Variants in CIZ1 observed in about 807,000 individuals in gnomAD.
CIZ1 encodes the protein cip1-interacting zinc finger protein.
A neutral mutation model predicts 118.6 loss-of-function variants in CIZ1; 58 were observed. That is an observed-to-expected ratio of 0.49 (90% CI 0.40 to 0.61). The LOEUF is 0.61. CIZ1 is among the 20% of genes least tolerant of loss of function. CIZ1 has a pLI of 0.00. For synonymous variants in CIZ1, 448 were observed against 443.4 expected (o/e 1.01, Z -0.13); for missense variants, 921 against 1,115.9 (o/e 0.83, Z 2.49).
chr9:128,189,628 T>G (rs915508277), intron 3 of CIZ1, among the ~76,000 whole-genome samples: 10 of 151,928 alleles, frequency 6.6e-5, no homozygotes, highest in African/African-American at 2.4e-4. Flanking sequence ...AAGACCAGCC[T>G]GGCCAACATG....
chr9:128,171,232 G>C (rs1345460008), intron 11 of CIZ1, among the ~76,000 whole-genome samples: 2 of 151,616 alleles, frequency 1.3e-5, no homozygotes, highest in African/African-American at 4.9e-5. Flanking sequence ...AGAAGTCCAA[G>C]ACCAGCCTAG....
chr9:128,173,901 G>A (rs186895015), intron 11 of CIZ1, among the ~76,000 whole-genome samples: 8 of 152,266 alleles, frequency 5.3e-5, no homozygotes, highest in Admixed American at 2.6e-4. Flanking sequence ...AGCTACTCGG[G>A]AGGCGGAGGC....
chr9:128,179,124 C>T lies in CIZ1; in HGVS notation c.1083G>A (p.Val361=), dbSNP rs947752730. 4.3e-6 allele frequency: 7 copies of T among 1,613,976 alleles called. No individual in the cohort carries two copies. In the African/African-American group the frequency reaches 5.3e-5, roughly 12 times the overall value. ...CTGCCTCCTGCTGCAGCTGTGGCTG[C>T]ACCTGCTTCTGTTGCAGCACTAAGT... ...PEHLVLQQKQ[V]QPQLQQEAEP... Residue 361 remains valine (V), a synonymous_variant, in exon 8 of 17, where the codon GTG becomes GTA. Transcript: ENST00000372938.
At chr9:128,168,957 C>A in intron 14 of CIZ1, 95 bp downstream of exon 14, 1 of 1,567,784 alleles carries the variant, frequency 6.4e-7, no homozygotes, top group South Asian at 1.2e-5. Flanking sequence ...CCCACAGATG[C>A]CAGCCCAGTG....
chr9:128,187,549 T>C (rs887096452), intron 4 of CIZ1, among the ~76,000 whole-genome samples: 1 of 152,194 alleles, frequency 6.6e-6, no homozygotes, highest in Non-Finnish European at 1.5e-5. Context: ...CAATGAGATA[T>C]ACAAATGTGC....
At position 128,179,356 on chromosome 9, in the gene CIZ1, T is replaced by C. The variant is rs774853282; in HGVS notation, c.851A>G (p.Gln284Arg). 9.9e-6 allele frequency: 16 copies of C among 1,613,852 alleles called. No homozygotes were observed. In the South Asian group the frequency reaches 1.8e-4, roughly 18 times the overall value. Residue 284 changes from glutamine to arginine, a missense_variant, in exon 8 of 17, where the codon CAG (glutamine) becomes CGG (arginine). Gln to Arg is a conservative substitution (Grantham distance 43). Coordinates refer to ENST00000372938, the MANE Select transcript of CIZ1 (RefSeq NM_001131016.2). ...PGQLQVKAQP[Q>R]ARMTVPKQTQ... ...CTGTTTCGGTACTGTCATCCGGGCC[T>C]GCGGCTGGGCCTTCACCTGTAACTG...
At chr9:128,190,587 CAA>C in intron 2 of CIZ1, 99 bp downstream of exon 2, 5 of 1,453,976 alleles carry the variant, frequency 3.4e-6, no homozygotes, top group Non-Finnish European at 3.7e-6. Flanking sequence ...CTCCAGGACT[CAA>C]ACGGGGATGG....
chr9:128,204,000 C>T lies in CIZ1; in HGVS notation c.-6+186G>A, dbSNP rs1211790484. On this transcript the variant is annotated intron_variant, in intron 1 of 17. Coordinates refer to the CIZ1 transcript ENST00000372948. This position sits in a 1 kb window ranked among gnomAD's most constrained non-coding sequence, Gnocchi z 5.3. ...AGCGTCTCCGTTGGGCTCCGGGAGT[C>T]CCTTGGAGCGGGCAGCACCCGGGGG... The T allele has an allele frequency of 6.3e-6, 1 of 157,826 alleles. No individual in the cohort carries two copies. The highest frequency in any genetic ancestry group is 1.4e-5 in the Non-Finnish European group (1 of 72,076). 9.8% of individuals were successfully genotyped at this position (157,826 alleles called of 1,614,324 possible). A position where few individuals can be genotyped will look rare whatever the true frequency, so the allele number is the denominator to read the frequency against.
chr9:128,202,183 C>T (rs1362047026), intron 1 of CIZ1, among the ~76,000 whole-genome samples: 1 of 152,178 alleles, frequency 6.6e-6, no homozygotes, highest in Admixed American at 6.5e-5. Context: ...GAACAGTCTC[C>T]AATTCACAGA....
In CIZ1 at chr9:128,166,673, A is replaced by C. The variant is rs1393866068; in HGVS notation, c.2487+86T>G. 1 of 1,536,716 alleles carries C rather than the reference A, an allele frequency of 6.5e-7. No homozygotes were observed. Among genetic ancestry groups the C allele is most frequent in the Admixed American group, 1.7e-5 (1 of 59,568 alleles). ...CCTGGGGATTGAGGCCCTGCACAAG[A>C]GGGAGTGGCCACTAGCCACCCGAAT... is the stretch of plus-strand genomic sequence containing the variant. On this transcript the variant is annotated intron_variant, in intron 16 of 16. Coordinates refer to ENST00000372938, the MANE Select transcript of CIZ1 (RefSeq NM_001131016.2). This position sits in a 1 kb window ranked among gnomAD's most constrained non-coding sequence, Gnocchi z 4.4.
At position 128,185,611 on chromosome 9, in the gene CIZ1, T is replaced by C. The variant is rs1159928822; in HGVS notation, c.524A>G (p.Asn175Ser). 1.9e-6 allele frequency: 3 copies of C among 1,544,132 alleles called. No homozygotes were observed. Among genetic ancestry groups the C allele is most frequent in the East Asian group, 2.3e-5 (1 of 43,770 alleles). Residue 175 changes from asparagine to serine, a missense_variant, in exon 5 of 17, where the codon AAC (asparagine) becomes AGC (serine). Coordinates refer to ENST00000372938, the MANE Select transcript of CIZ1 (RefSeq NM_001131016.2). Reference protein sequence around the residue: ...VGVPMNPSQFNLSGRNPQKQA... With the variant: ...VGVPMNPSQFSLSGRNPQKQA... ...TTTCTGGGGGTTCCGTCCTGAAAGGTTGAACTGGGAAGGGTTCATGGGGAC... is the reference window on the plus strand; with the variant it reads ...TTTCTGGGGGTTCCGTCCTGAAAGGCTGAACTGGGAAGGGTTCATGGGGAC...
chr9:128,173,772 C>T (rs529551230), intron 11 of CIZ1, among the ~76,000 whole-genome samples: 6 of 152,002 alleles, frequency 3.9e-5, no homozygotes, highest in Admixed American at 2.0e-4. Flanking sequence ...TTTGGGAGGC[C>T]AAGGCGGGCA....
chr9:128,188,217 A>C (rs558134199), intron 3 of CIZ1, among the ~76,000 whole-genome samples: 107 of 152,040 alleles, frequency 7.0e-4, no homozygotes, highest in Non-Finnish European at 1.2e-3. Flanking sequence ...AAATAATCTT[A>C]ACACAGATGA....
At chr9:128,198,317 A>C (rs1351184084) in intron 1 of CIZ1, 2 of 152,054 alleles carry the variant, frequency 1.3e-5, no homozygotes, top group Admixed American at 6.6e-5. Context: ...TAACCTCTTC[A>C]TCCTCCTCTG....
At chr9:128,188,098 AGCAAAAGAAAG>A (rs1162347094) in intron 3 of CIZ1, among the ~76,000 whole-genome samples, 164 bp from the exon 4 acceptor site, 21 of 109,290 alleles carry the variant, frequency 1.9e-4, no homozygotes, top group Non-Finnish European at 3.6e-4. Flanking sequence ...AATTAAAAAA[AGCAAAAGAAAG>A]AAAAAAGCAA....
chr9:128,195,045 C>T (rs1464470596), upstream of CIZ1, among the ~76,000 whole-genome samples: 3 of 151,972 alleles, frequency 2.0e-5, no homozygotes, highest in Non-Finnish European at 4.4e-5. Flanking sequence ...TGGTCTTGAA[C>T]TCATAGGTTC....
At chr9:128,173,885 A>T (rs915014983) in intron 11 of CIZ1, among the ~76,000 whole-genome samples, 1 of 152,102 alleles carries the variant, frequency 6.6e-6, no homozygotes, top group Non-Finnish European at 1.5e-5. Context: ...AGGCGCCTGT[A>T]GTCCCAGCTA....
intron 1 of CIZ1, chr9:128,199,879 C>A (rs1390789085): frequency 6.7e-6 from 1 of 150,172 alleles, no homozygotes; most frequent in Admixed American, 6.7e-5. Flanking sequence ...ACCCCTGCCT[C>A]CCAGGTTCAA....
At chr9:128,169,262 A>AGCCC in intron 13 of CIZ1, 61 bp from the exon 14 acceptor site, 2 of 1,185,888 alleles carry the variant, frequency 1.7e-6, no homozygotes, top group African/African-American at 1.6e-5. Context: ...GCCATGCCCT[A>AGCCC]CCCACCCCAC....
Sources: gnomAD v4.1 joint callset for allele counts (sites outside exome capture counted in the v4.1 genomes callset) on GRCh38, gnomAD v4.1.1 for gene constraint, Gnocchi (gnomAD v3.1) non-coding constraint, MANE v1.5 for transcripts, NCBI Gene and HGNC (gene_info 2026-07-23, HGNC 2026-07-21) for gene names.